SLC4A10: variants seen among roughly 807,000 people sequenced by gnomAD.
The protein encoded by SLC4A10 is solute carrier family 4 member 10.
A neutral mutation model predicts 137.7 loss-of-function variants in SLC4A10; 42 were observed. That is an observed-to-expected ratio of 0.30 (90% CI 0.24 to 0.39). The LOEUF (loss-of-function observed/expected upper bound fraction) is 0.39. Among genes scored for constraint, SLC4A10 ranks in the 10% least tolerant of loss-of-function variants. The probability of loss-of-function intolerance (pLI) is 1.00; values close to 1 mark genes in which losing one functional copy is unlikely to be tolerated. For synonymous variants in SLC4A10, 474 were observed against 464.1 expected (o/e 1.02, Z -0.27); for missense variants, 925 against 1,355.0 (o/e 0.68, Z 4.98).
chr2:161,960,231 G>A (rs1010630347), intron 21 of SLC4A10, among the ~76,000 whole-genome samples: 8 of 151,890 alleles, frequency 5.3e-5, no homozygotes, highest in Non-Finnish European at 8.8e-5. Context: ...GGGCATGGTG[G>A]TGGGCGCCTG....
chr2:161,886,345 A>G (rs66511613), intron 10 of SLC4A10, among the ~76,000 whole-genome samples: 46,956 of 151,942 alleles, frequency 0.31, 7,581 homozygotes, highest in Admixed American at 0.4. Flanking sequence ...CCATCCTTAA[A>G]AAAAATTATT....
At chr2:161,710,339 G>T (rs770804670) in intron 1 of SLC4A10, among the ~76,000 whole-genome samples, 5 of 151,622 alleles carry the variant, frequency 3.3e-5, no homozygotes, top group Non-Finnish European at 7.4e-5. Flanking sequence ...GATTCCTCTT[G>T]GTATTGGTTT....
intron 15 of SLC4A10, among the ~76,000 whole-genome samples, chr2:161,926,384 TG>T (rs1473310997): frequency 4.8e-4 from 34 of 71,316 alleles, no homozygotes; most frequent in Admixed American, 2.9e-3. Flanking sequence ...TGCCTTTTTT[TG>T]GTTTTTTTTT....
chr2:161,934,393 C>A, intron 15 of SLC4A10, among the ~76,000 whole-genome samples: 1 of 151,882 alleles, frequency 6.6e-6, no homozygotes, highest in East Asian at 1.9e-4. Flanking sequence ...ATTTTTAGCT[C>A]CCACAAATAA....
At chr2:161,956,661 A>G (rs770130035) in intron 19 of SLC4A10, among the ~76,000 whole-genome samples, 20 of 152,206 alleles carry the variant, frequency 1.3e-4, no homozygotes, top group Non-Finnish European at 2.5e-4. Flanking sequence ...GAGGAAATAG[A>G]AAACAAAAAA....
intron 6 of SLC4A10, among the ~76,000 whole-genome samples, chr2:161,869,935 TA>T (rs1259572979): frequency 6.6e-6 from 1 of 151,490 alleles, no homozygotes; most frequent in African/African-American, 2.4e-5. Context: ...ACCTAGAATC[TA>T]GGACTAGCAA....
intron 1 of SLC4A10, among the ~76,000 whole-genome samples, chr2:161,631,283 A>C (rs540845798): frequency 8.6e-5 from 13 of 151,918 alleles, no homozygotes; most frequent in Admixed American, 5.3e-4. Context: ...TAAAATGGTG[A>C]ATTTTATGTT....
At chr2:161,975,336 G>A (rs1413286682) in intron 24 of SLC4A10, among the ~76,000 whole-genome samples, 1 of 152,092 alleles carries the variant, frequency 6.6e-6, no homozygotes, top group Non-Finnish European at 1.5e-5. Context: ...GGTTAAATAA[G>A]TTTGAAAAAA....
intron 19 of SLC4A10, among the ~76,000 whole-genome samples, chr2:161,956,451 A>G (rs1695686058): frequency 6.6e-6 from 1 of 152,122 alleles, no homozygotes. Context: ...GAGGCTCTAC[A>G]CTTCGATTCC....
intron 3 of SLC4A10, among the ~76,000 whole-genome samples, chr2:161,825,870 C>T (rs1268377025): frequency 6.6e-6 from 1 of 152,120 alleles, no homozygotes; most frequent in Non-Finnish European, 1.5e-5. Flanking sequence ...TTATAGCCAG[C>T]CTCTGTGTGG....
chr2:161,702,070 G>A (rs1326527189), intron 1 of SLC4A10, among the ~76,000 whole-genome samples: 1 of 151,798 alleles, frequency 6.6e-6, no homozygotes, highest in African/African-American at 2.4e-5. Flanking sequence ...CAAAAGAAAG[G>A]AAATCAGTAT....
Position 161,844,101 on chromosome 2 carries a change from G to T in SLC4A10, c.416+4174G>T, listed in dbSNP as rs184111675. On this transcript the variant is annotated intron_variant, in intron 4 of 26. Coordinates refer to ENST00000446997, the MANE Select transcript of SLC4A10 (RefSeq NM_001178015.2). The stretch of plus-strand genomic sequence containing the variant: ...GCAAAGCTACCACAGCTGTGCAGTT[G>T]TGGCGACAACATGTTTGACTCACTG... Among the ~76,000 whole-genome samples, 473 of 152,228 alleles carry T rather than the reference G, an allele frequency of 3.1e-3. 1 individual carries two copies. The highest frequency in any genetic ancestry group is 4.6e-3 in the Non-Finnish European group (312 of 67,992).
At chr2:161,854,501 G>T (rs1000608086) in intron 4 of SLC4A10, among the ~76,000 whole-genome samples, 1 of 152,004 alleles carries the variant, frequency 6.6e-6, no homozygotes, top group African/African-American at 2.4e-5. Context: ...TATGCAACAG[G>T]CCCCTAATTA....
intron 16 of SLC4A10, among the ~76,000 whole-genome samples, chr2:161,943,451 C>T (rs924801606): frequency 2.6e-5 from 4 of 151,978 alleles, no homozygotes; most frequent in African/African-American, 9.7e-5. Context: ...TATTTTTCAC[C>T]TATAACAGTT....
intron 1 of SLC4A10, among the ~76,000 whole-genome samples, chr2:161,666,997 A>AT (rs2039122823): frequency 6.6e-6 from 1 of 151,612 alleles, no homozygotes; most frequent in African/African-American, 2.4e-5. Flanking sequence ...TTAAAAAATG[A>AT]TTTTTTGAGC....
chr2:161,935,466 G>T (rs1231840389), intron 15 of SLC4A10, among the ~76,000 whole-genome samples: 3 of 152,178 alleles, frequency 2.0e-5, no homozygotes, highest in East Asian at 1.9e-4. Context: ...GATAGCTTTT[G>T]TTAGTATGGA....
At chr2:161,866,201 C>T (rs562456780) in intron 6 of SLC4A10, among the ~76,000 whole-genome samples, 2 of 152,078 alleles carry the variant, frequency 1.3e-5, no homozygotes, top group African/African-American at 4.8e-5. Context: ...GAGCATGTTA[C>T]CTTGTTAGTA....
chr2:161,625,172 T>C (rs1441942030), intron 1 of SLC4A10, among the ~76,000 whole-genome samples: 2 of 151,800 alleles, frequency 1.3e-5, no homozygotes, highest in South Asian at 2.1e-4. Context: ...GTATGCATTT[T>C]TGGGGGACAG....
chr2:161,640,113 ATTAT>A (rs1461213729), intron 1 of SLC4A10, among the ~76,000 whole-genome samples: 2 of 151,982 alleles, frequency 1.3e-5, no homozygotes, highest in African/African-American at 4.8e-5. Flanking sequence ...TTTTTATTCA[ATTAT>A]TTATTTATTT....
Sources: gnomAD v4.1 joint callset for allele counts (sites outside exome capture counted in the v4.1 genomes callset) on GRCh38, gnomAD v4.1.1 for gene constraint, MANE v1.5 for transcripts, NCBI Gene and HGNC (gene_info 2026-07-23, HGNC 2026-07-21) for gene names.